TNS2: variants seen among roughly 807,000 people sequenced by gnomAD.
TNS2 encodes tensin 2, also known as tensin-2.
TNS2 carries 77 observed loss-of-function variants against 155.7 expected under a neutral mutation model. That is an observed-to-expected ratio of 0.49 (90% CI 0.41 to 0.60). The LOEUF is 0.60. Among genes scored for constraint, TNS2 ranks in the 20% least tolerant of loss-of-function variants. The pLI, the probability that TNS2 is intolerant of heterozygous loss-of-function variation, is 0.00. For synonymous variants in TNS2, 726 were observed against 763.9 expected (o/e 0.95, Z 0.82); for missense variants, 1,703 against 1,868.8 (o/e 0.91, Z 1.64).
In TNS2 at chr12:53,059,165, T is replaced by C. The variant is rs1318414615; in HGVS notation, c.1524T>C (p.Ser508=). Residue 508 remains serine (S), a synonymous_variant, in exon 18 of 29, where the codon TCT becomes TCC. Transcript: ENST00000314250. The surrounding 1 kb of genome is among the most constrained non-coding windows in gnomAD (Gnocchi z 4.7). ...SPEPPPPPML[S]VSSDSGHSST... is the part of the protein sequence containing the mutation. ...AGCCTCCACCACCCCCCATGCTCTC[T>C]GTCAGCAGCGACTCAGGCCATTCCT... 1.3e-6 allele frequency: 2 copies of C among 1,599,566 alleles called. No homozygotes were observed. Among genetic ancestry groups the C allele is most frequent in the South Asian group, 2.2e-5 (2 of 90,338 alleles).
At position 53,057,783 on chromosome 12, in the gene TNS2, C is replaced by T; in HGVS notation, c.969C>T (p.Pro323=). The T allele has an allele frequency of 6.2e-7, 1 of 1,614,136 alleles. No homozygotes were observed. Among genetic ancestry groups the T allele is most frequent in the South Asian group, 1.1e-5 (1 of 91,084 alleles). ...PAFEPGTGFQ[P]FLKIYQSMQL... Reference sequence around the variant, plus strand: ...CCTCTGCCCCTCCAGGCTTCCAGCCCTTCCTTAAAATCTACCAGTCCATGC... The same window carrying T: ...CCTCTGCCCCTCCAGGCTTCCAGCCTTTCCTTAAAATCTACCAGTCCATGC... Residue 323 remains proline (P), a synonymous_variant, in exon 13 of 29, where the codon CCC becomes CCT. Coordinates refer to ENST00000314250, the MANE Select transcript of TNS2 (RefSeq NM_170754.4).
chr12:53,049,054 C>G, upstream of TNS2: 1 of 927,688 alleles, frequency 1.1e-6, no homozygotes, highest in Non-Finnish European at 1.6e-6. Flanking sequence ...AGGAAGATTA[C>G]TCCCCCTTTT....
Position 53,060,178 on chromosome 12 carries a change from A to C in TNS2, c.2537A>C (p.Tyr846Ser). 1 of 1,603,238 alleles carries C rather than the reference A, an allele frequency of 6.2e-7. No individual in the cohort carries two copies. Among genetic ancestry groups the C allele is most frequent in the Non-Finnish European group, 8.5e-7 (1 of 1,174,368 alleles). ...TATCCACAATCTAGGAAGCTGAGCTACGAGATCCCTACGGAGGAGGGAGGG... is the reference window on the plus strand; with the variant it reads ...TATCCACAATCTAGGAAGCTGAGCTCCGAGATCCCTACGGAGGAGGGAGGG... ...PPYPQSRKLSYEIPTEEGGDR... is the reference protein window; with the variant it reads ...PPYPQSRKLSSEIPTEEGGDR... The change falls in exon 18 of 29, where the codon TAC becomes TCC. Residue 846 changes from tyrosine (Y) to serine (S), a missense_variant. Physicochemically the swap from Tyr to Ser is moderately radical, Grantham distance 144. Coordinates refer to ENST00000314250, the MANE Select transcript of TNS2 (RefSeq NM_170754.4). This position sits in a 1 kb window ranked among gnomAD's most constrained non-coding sequence, Gnocchi z 6.1.
chr12:53,049,702 G>A (rs931868394), upstream of TNS2, among the ~76,000 whole-genome samples: 4 of 152,076 alleles, frequency 2.6e-5, no homozygotes, highest in Admixed American at 6.5e-5. Context: ...GAAGTCCCTC[G>A]AGAGCTTGAG....
At chr12:53,062,899 G>A in intron 25 of TNS2, 190 bp from the exon 26 acceptor site, 1 of 922,688 alleles carries the variant, frequency 1.1e-6, no homozygotes, top group Non-Finnish European at 1.6e-6. Flanking sequence ...CGATCATGGG[G>A]TGGTAGCAGG....
chr12:53,058,315 G>A lies in TNS2; in HGVS notation c.1096-1G>A. 6.2e-7 allele frequency: 1 copy of A among 1,614,096 alleles called. No individual in the cohort carries two copies. ...TCCGCAGCCTCCTGCCTTTCTCCCA[G>A]GTAACATGTTATCACAAGGGTGGCC... is the stretch of plus-strand genomic sequence containing the variant. On this transcript the variant is annotated splice_acceptor_variant, in intron 14 of 28. Transcript: ENST00000314250. LOFTEE classifies it high-confidence loss of function.
intron 14 of TNS2, 63 bp from the exon 15 acceptor site, chr12:53,058,253 C>T: frequency 1.9e-6 from 3 of 1,604,740 alleles, no homozygotes; most frequent in Non-Finnish European, 2.6e-6. Context: ...CCAGGCAGTC[C>T]CCAGGGTGGA....
In TNS2 at chr12:53,060,659, C is replaced by T; in HGVS notation, c.2769-16C>T. 6.3e-7 allele frequency: 1 copy of T among 1,581,082 alleles called. No individual in the cohort carries two copies. On this transcript the variant is annotated splice_polypyrimidine_tract_variant and intron_variant, in intron 19 of 28. Coordinates refer to ENST00000314250, the MANE Select transcript of TNS2 (RefSeq NM_170754.4). This position sits in a 1 kb window ranked among gnomAD's most constrained non-coding sequence, Gnocchi z 6.1. ...CAATGGGGGCTCTGCTGACCATCTG[C>T]CCTTCCACCCTACAGCACCCGGCGA...
At position 53,060,028 on chromosome 12, in the gene TNS2, C is replaced by T. The variant is rs1475631623; in HGVS notation, c.2387C>T (p.Pro796Leu). 1 of 1,613,520 alleles carries T rather than the reference C, an allele frequency of 6.2e-7. No individual in the cohort carries two copies. The change falls in exon 18 of 29, where the codon CCC (proline) becomes CTC (leucine). Residue 796 changes from proline (P) to leucine (L), a missense_variant. Pro to Leu is a moderately conservative substitution (Grantham distance 98, BLOSUM62 -3). Transcript: ENST00000314250. The surrounding 1 kb of genome is among the most constrained non-coding windows in gnomAD (Gnocchi z 6.1). ...LVTYSYGGAV[P>L]SYCPAYGRVP... ...ACATACAGCTATGGAGGAGCAGTTC[C>T]CAGTTACTGCCCAGCATATGGCCGT...
chr12:53,063,188 G>T lies in TNS2; in HGVS notation c.3923G>T (p.Arg1308Leu). The change falls in exon 26 of 29, where the codon CGC becomes CTC. Residue 1308 changes from arginine (R) to leucine (L), a missense_variant. Arg to Leu is a moderately radical substitution (Grantham distance 102). Coordinates refer to ENST00000314250, the MANE Select transcript of TNS2 (RefSeq NM_170754.4). The surrounding 1 kb of genome is among the most constrained non-coding windows in gnomAD (Gnocchi z 5.6). ...ASSAALSCSP[R>L]PTPAVVHFKV... ...TCTGCAGCTCTGAGCTGTAGCCCCC[G>T]CCCGACACCAGCTGTTGTCCACTTC... is the stretch of plus-strand genomic sequence containing the variant. 1 of 1,612,372 alleles carries T rather than the reference G, an allele frequency of 6.2e-7. No homozygotes were observed. Among genetic ancestry groups the T allele is most frequent in the Non-Finnish European group, 8.5e-7 (1 of 1,179,510 alleles).
In TNS2 at chr12:53,060,839, T is replaced by A. The variant is rs780350904; in HGVS notation, c.2933T>A (p.Phe978Tyr). The A allele has an allele frequency of 6.2e-7, 1 of 1,602,500 alleles. No homozygotes were observed. Among genetic ancestry groups the A allele is most frequent in the Non-Finnish European group, 8.5e-7 (1 of 1,172,034 alleles). Residue 978 changes from phenylalanine to tyrosine, a missense_variant, in exon 20 of 29, where the codon TTC (phenylalanine) becomes TAC (tyrosine). Transcript: ENST00000314250. This position sits in a 1 kb window ranked among gnomAD's most constrained non-coding sequence, Gnocchi z 6.1. Reference sequence around the variant, plus strand: ...GCCCCTAGCCCAGTCTCTCCGACCTTCCCTCCCAGCTCGCCCAGTGACTGG... The same window carrying A: ...GCCCCTAGCCCAGTCTCTCCGACCTACCCTCCCAGCTCGCCCAGTGACTGG... ...PLAPSPVSPT[F>Y]PPSSPSDWPQ...
Position 53,062,120 on chromosome 12 carries a change from T to C in TNS2, c.3575-33T>C, listed in dbSNP as rs375795496. ...GGGAAGAAGCTGGAACCTGGAATCC[T>C]AAAGCCGCAATCTTCCCCTCGCCTC... On this transcript the variant is annotated intron_variant, in intron 22 of 28. Coordinates refer to ENST00000314250, the MANE Select transcript of TNS2 (RefSeq NM_170754.4). 478 of 1,613,394 alleles carry C rather than the reference T, an allele frequency of 3.0e-4. 5 individuals are homozygous for C. The South Asian group carries it at 4.8e-3, about 16-fold the overall frequency.
At chr12:53,058,946 C>T (rs574576619) in intron 17 of TNS2, 101 bp from the exon 18 acceptor site, 20 of 1,551,058 alleles carry the variant, frequency 1.3e-5, no homozygotes, top group South Asian at 7.0e-5. Flanking sequence ...GAGACACCCC[C>T]GGCCCGACAG....
chr12:53,063,475 TCCCAGCCCCAGC>T lies in TNS2; in HGVS notation c.4061+68_4062-67del. ...CCCCATGGTCCCACCAGGTCCCAGC[TCCCAGCCCCAGC>T]CCCAGCCCCGGCCCCGGCCCCCCTT... On this transcript the variant is annotated intron_variant, in intron 27 of 28. Coordinates refer to ENST00000314250, the MANE Select transcript of TNS2 (RefSeq NM_170754.4). This position sits in a 1 kb window ranked among gnomAD's most constrained non-coding sequence, Gnocchi z 5.6. 6.2e-7 allele frequency: 1 copy of T among 1,611,674 alleles called. No homozygotes were observed. Among genetic ancestry groups the T allele is most frequent in the Non-Finnish European group, 8.5e-7 (1 of 1,179,474 alleles).
rs1944103796 is a variant in TNS2 at position 53,055,216 on chromosome 12, C to T, written c.553C>T (p.Leu185=). The T allele has an allele frequency of 6.2e-7, 1 of 1,614,042 alleles. No homozygotes were observed. Among genetic ancestry groups the T allele is most frequent in the Non-Finnish European group, 8.5e-7 (1 of 1,179,972 alleles). ...LFNLSEKRHD[L]TRLNPKVQDF... is the part of the protein sequence containing the mutation. ...CAACCTTTCAGAGAAAAGGCATGAC[C>T]TGACCCGCTTAAACCCCAAGGTATG... is the stretch of plus-strand genomic sequence containing the variant. The change falls in exon 8 of 29, where the codon CTG becomes TTG. Residue 185 remains leucine, a synonymous_variant. Transcript: ENST00000314250.
At chr12:53,056,564 C>T (rs761737867) in intron 10 of TNS2, among the ~76,000 whole-genome samples, 3 of 152,276 alleles carry the variant, frequency 2.0e-5, no homozygotes, top group South Asian at 4.1e-4. Flanking sequence ...TCACTGTAAT[C>T]GCTGCCTCTG....
intron 22 of TNS2, 26 bp from the exon 23 acceptor site, chr12:53,062,127 G>C (rs546443851): frequency 7.4e-6 from 12 of 1,613,386 alleles, no homozygotes; most frequent in South Asian, 1.1e-5. Flanking sequence ...TCCTAAAGCC[G>C]CAATCTTCCC....
chr12:53,061,670 A>T, intron 21 of TNS2, 145 bp from the exon 22 acceptor site: 1 of 1,441,436 alleles, frequency 6.9e-7, no homozygotes, highest in Non-Finnish European at 9.4e-7. Flanking sequence ...TGTGAACTCT[A>T]GAGCCCTGGC....
At chr12:53,062,767 G>T in intron 25 of TNS2, 70 bp downstream of exon 25, 1 of 1,572,856 alleles carries the variant, frequency 6.4e-7, no homozygotes. Flanking sequence ...ACAGGGCATG[G>T]GGCACTGAAA....
Sources: gnomAD v4.1 joint callset for allele counts (sites outside exome capture counted in the v4.1 genomes callset) on GRCh38, gnomAD v4.1.1 for gene constraint, Gnocchi (gnomAD v3.1) non-coding constraint, MANE v1.5 for transcripts, NCBI Gene and HGNC (gene_info 2026-07-23, HGNC 2026-07-21) for gene names.